The following SHLD1 variants were observed in gnomAD, a reference collection of about 807,000 sequenced individuals.
The protein encoded by SHLD1 is RINN1-REV7-interacting novel NHEJ regulator 3.
A neutral mutation model predicts 5.5 loss-of-function variants in SHLD1; 3 were observed. The observed-to-expected ratio is 0.54, with a 90% confidence interval of 0.25 to 1.40. The LOEUF is 1.40. Ranked by LOEUF, SHLD1 falls within the 40% of genes most tolerant of loss-of-function variation. SHLD1 has a pLI of 0.15. For missense variants in SHLD1, 210 were observed against 244.4 expected (o/e 0.86, Z 0.94); for synonymous variants, 92 against 94.3 (o/e 0.98, Z 0.14).
At chr20:5,759,060 T>C (rs532028682) in intron 1 of SHLD1, among the ~76,000 whole-genome samples, 2 of 151,264 alleles carry the variant, frequency 1.3e-5, no homozygotes, top group South Asian at 2.1e-4. Context: ...CTTCAAGTGA[T>C]TCTCCTGCCT....
chr20:5,757,127 G>C (rs545891362), intron 1 of SHLD1, among the ~76,000 whole-genome samples: 1 of 117,344 alleles, frequency 8.5e-6, no homozygotes, highest in Non-Finnish European at 1.7e-5. Flanking sequence ...CTGGAGTACA[G>C]TGGTGCAATC....
chr20:5,778,619 A>AT (rs1985551309), intron 2 of SHLD1, among the ~76,000 whole-genome samples: 1 of 151,636 alleles, frequency 6.6e-6, no homozygotes. Context: ...AAAAAAAAAA[A>AT]AATAAGGACC....
At chr20:5,778,137 G>A (rs1270924999) in intron 2 of SHLD1, among the ~76,000 whole-genome samples, 246 of 107,712 alleles carry the variant, frequency 2.3e-3, no homozygotes, top group Admixed American at 4.1e-3. Context: ...TTTTTTTTGA[G>A]ACAGAGTCTC....
At chr20:5,803,350 G>T (rs1426570214) in intron 2 of SHLD1, among the ~76,000 whole-genome samples, 1 of 151,936 alleles carries the variant, frequency 6.6e-6, no homozygotes, top group East Asian at 1.9e-4. Context: ...AAATTCTTTT[G>T]TAGAGACAAG....
chr20:5,808,807 A>C (rs1443544201), intron 2 of SHLD1, among the ~76,000 whole-genome samples: 2 of 152,260 alleles, frequency 1.3e-5, no homozygotes, highest in African/African-American at 4.8e-5. Context: ...AAAATATTTT[A>C]ATGAAATTTA....
chr20:5,836,445 A>G (rs982362617), intron 2 of SHLD1, among the ~76,000 whole-genome samples: 2 of 152,224 alleles, frequency 1.3e-5, no homozygotes, highest in African/African-American at 2.4e-5. Context: ...AGTTGTTTCC[A>G]TATACCAGAA....
chr20:5,834,012 T>C (rs112950891), intron 2 of SHLD1, among the ~76,000 whole-genome samples: 6 of 152,340 alleles, frequency 3.9e-5, no homozygotes, highest in African/African-American at 1.2e-4. Flanking sequence ...CTTCAAGTGG[T>C]ATTTACATTT....
At chr20:5,841,202 T>C (rs186449093) in intron 2 of SHLD1, among the ~76,000 whole-genome samples, 134 of 147,248 alleles carry the variant, frequency 9.1e-4, no homozygotes, top group Middle Eastern at 7.0e-3. Flanking sequence ...TGTGTGTGTG[T>C]GCACATGCAT....
In SHLD1 at chr20:5,768,536, C is replaced by A. The variant is rs552352488; in HGVS notation, c.-4-4326C>A. Among the ~76,000 whole-genome samples, 12 of 152,360 alleles carry A rather than the reference C, an allele frequency of 7.9e-5. No homozygotes were observed. The East Asian group carries it at 2.1e-3, about 27-fold the overall frequency. ...TCACCTTTGTGTTCCCAGTGCCTGG[C>A]ACCAGGCCTGTCACATTAAATAATT... is the stretch of plus-strand genomic sequence containing the variant. On this transcript the variant is annotated intron_variant, in intron 1 of 2. Transcript: ENST00000303142.
intron 2 of SHLD1, among the ~76,000 whole-genome samples, chr20:5,803,895 A>C (rs879748448): frequency 2.5e-4 from 35 of 142,042 alleles, no homozygotes; most frequent in African/African-American, 3.9e-4. Flanking sequence ...GATTAAAAAA[A>C]AAAAACAAAA....
intron 2 of SHLD1, among the ~76,000 whole-genome samples, chr20:5,777,783 G>A (rs1019737613): frequency 1.4e-4 from 21 of 151,966 alleles, no homozygotes; most frequent in Non-Finnish European, 2.4e-4. Context: ...AACCTGGGAA[G>A]TGACCAAGAG....
At chr20:5,760,841 A>T (rs1442906422) in intron 1 of SHLD1, among the ~76,000 whole-genome samples, 1 of 152,150 alleles carries the variant, frequency 6.6e-6, no homozygotes, top group East Asian at 1.9e-4. Flanking sequence ...GCATTTTAGT[A>T]TTCATTTAGT....
intron 1 of SHLD1, 140 bp from the exon 2 acceptor site, chr20:5,772,722 G>A (rs1387986339): frequency 1.3e-6 from 1 of 762,738 alleles, no homozygotes; most frequent in East Asian, 2.8e-5. Context: ...GACCAGCCTG[G>A]GCAACTTAGT....
intron 1 of SHLD1, among the ~76,000 whole-genome samples, chr20:5,751,808 T>C (rs757954379): frequency 2.6e-5 from 4 of 152,166 alleles, no homozygotes; most frequent in Non-Finnish European, 5.9e-5. Flanking sequence ...TTTGTTTTTT[T>C]TACATTTTAG....
At chr20:5,811,221 T>A (rs1208806204) in intron 2 of SHLD1, among the ~76,000 whole-genome samples, 2 of 152,144 alleles carry the variant, frequency 1.3e-5, no homozygotes, top group Non-Finnish European at 2.9e-5. Context: ...GTCATATGAC[T>A]CCATAAGTGA....
chr20:5,758,383 G>A (rs1011049810), intron 1 of SHLD1, among the ~76,000 whole-genome samples: 1 of 148,014 alleles, frequency 6.8e-6, no homozygotes, highest in African/African-American at 2.5e-5. Flanking sequence ...GGGAAAGGAA[G>A]GGAAGGAAGT....
chr20:5,805,653 T>C (rs1233279864), intron 2 of SHLD1, among the ~76,000 whole-genome samples: 3 of 152,314 alleles, frequency 2.0e-5, no homozygotes, highest in Non-Finnish European at 2.9e-5. Flanking sequence ...CAGGCTGGAG[T>C]GCAGTGGCGC....
chr20:5,849,883 C>T (rs1177081271), intron 2 of SHLD1, among the ~76,000 whole-genome samples: 5 of 144,352 alleles, frequency 3.5e-5, no homozygotes, highest in South Asian at 2.2e-4. Flanking sequence ...GGCGTGAACC[C>T]GGGAAGCGGA....
At chr20:5,788,250 C>CA (rs943904060) in intron 2 of SHLD1, among the ~76,000 whole-genome samples, 1 of 151,582 alleles carries the variant, frequency 6.6e-6, no homozygotes, top group African/African-American at 2.4e-5. Context: ...TTGTAAAAAA[C>CA]AAAAAAACAG....
Sources: allele counts gnomAD v4.1 joint callset (sites outside exome capture counted in the v4.1 genomes callset), GRCh38; gene constraint gnomAD v4.1.1; transcripts MANE v1.5; gene names NCBI Gene and HGNC (gene_info 2026-07-23, HGNC 2026-07-21).